The following NANOS3 variants were observed in gnomAD, a reference collection of about 807,000 sequenced individuals.
The protein encoded by NANOS3 is nanos C2HC-type zinc finger 3.
Under a neutral mutation model 13.8 loss-of-function variants are expected in NANOS3, and 11 were observed. That is an observed-to-expected ratio of 0.80 (90% CI 0.50 to 1.32). The LOEUF is 1.32. NANOS3 is among the 40% of genes most tolerant of loss of function. The pLI is 0.00. For missense variants in NANOS3, 221 were observed against 263.8 expected, an observed-to-expected ratio of 0.84 and a Z score of 1.12; for synonymous variants, 119 against 115.4, an observed-to-expected ratio of 1.03 and a Z score of -0.20.
At chr19:13,879,775 A>T (rs1436167381) in intron 1 of NANOS3, among the ~76,000 whole-genome samples, 1 of 150,404 alleles carries the variant, frequency 6.6e-6, no homozygotes, top group Non-Finnish European at 1.5e-5. Context: ...CTGTAATCCC[A>T]GTACTTGGGG....
chr19:13,863,572 G>A (rs1599295537), upstream of NANOS3, among the ~76,000 whole-genome samples: 1 of 151,846 alleles, frequency 6.6e-6, no homozygotes, highest in East Asian at 1.9e-4. Context: ...GGGCGGCACA[G>A]GAGGGCCATC....
In NANOS3 at chr19:13,880,392, G is replaced by A. The variant is rs1364835369; in HGVS notation, c.518-50G>A. ...CGAGTCCGTGGGCAACTTGGGGAGC[G>A]TTGAGTCATCGCCTGTGATTAAGCA... On this transcript the variant is annotated intron_variant, in intron 1 of 1. Coordinates refer to ENST00000339133, the MANE Select transcript of NANOS3 (RefSeq NM_001098622.3). 6.3e-6 allele frequency: 10 copies of A among 1,576,292 alleles called. No individual in the cohort carries two copies. In the South Asian group the frequency reaches 6.7e-5, roughly 11 times the overall value.
At chr19:13,878,385 C>G (rs1047620190) in intron 1 of NANOS3, among the ~76,000 whole-genome samples, 9 of 141,792 alleles carry the variant, frequency 6.3e-5, no homozygotes, top group African/African-American at 2.4e-4. Flanking sequence ...ATTACAGGCG[C>G]CTGCCACCAT....
chr19:13,866,744 A>G (rs917143824), intron 1 of NANOS3, among the ~76,000 whole-genome samples: 3 of 152,202 alleles, frequency 2.0e-5, no homozygotes, highest in Non-Finnish European at 4.4e-5. Flanking sequence ...AGATCCCTAA[A>G]GCCCATCAGT....
At chr19:13,874,770 G>A (rs1968474618), upstream of NANOS3, 2 of 534,224 alleles carry the variant, frequency 3.7e-6, no homozygotes, top group East Asian at 5.4e-5. Context: ...GCAAACCATC[G>A]ACCGTTGAGT....
chr19:13,875,058 C>T (rs780657759), upstream of NANOS3: 1 of 426,222 alleles, frequency 2.3e-6, no homozygotes, highest in Non-Finnish European at 4.9e-6. Flanking sequence ...CTGTTTTTTG[C>T]CCTGACCCCA....
At chr19:13,872,360 A>AGAG (rs1467068692), upstream of NANOS3, among the ~76,000 whole-genome samples, 475 of 141,122 alleles carry the variant, frequency 3.4e-3, 2 homozygotes, top group African/African-American at 0.012. Flanking sequence ...AAAAAAAAAA[A>AGAG]AGAGAGAGAG....
chr19:13,866,973 T>C (rs929088262), intron 1 of NANOS3, among the ~76,000 whole-genome samples: 3 of 152,168 alleles, frequency 2.0e-5, no homozygotes, highest in African/African-American at 7.2e-5. Context: ...TATTTACTTA[T>C]TTATTTTGAG....
chr19:13,867,230 C>T (rs937877648), intron 1 of NANOS3, among the ~76,000 whole-genome samples: 8 of 152,170 alleles, frequency 5.3e-5, no homozygotes, highest in South Asian at 4.2e-4. Context: ...TGTGAACCGC[C>T]GCACCCGGCC....
rs76006648 is a variant in NANOS3 at position 13,877,686 on chromosome 19, G to A, written c.438G>A (p.Ser146=). 1.2e-4 allele frequency: 189 copies of A among 1,611,310 alleles called. No homozygotes were observed. In the East Asian group the frequency reaches 2.0e-3, roughly 17 times the overall value. Residue 146 remains serine, a synonymous_variant, in exon 1 of 2, where the codon TCG becomes TCA. Transcript: ENST00000339133. The stretch of plus-strand genomic sequence containing the variant: ...TCTACAGCCACACCACCCGAAACTC[G>A]GCAGGCAAGAAGCTGGTCCGGCCTG... ...TSVYSHTTRN[S]AGKKLVRPDK... is the part of the protein sequence containing the mutation.
chr19:13,865,143 C>T (rs574847168), upstream of NANOS3, among the ~76,000 whole-genome samples: 4 of 151,636 alleles, frequency 2.6e-5, no homozygotes, highest in South Asian at 8.3e-4. Context: ...CGCGCACGGC[C>T]GCGGCTGGAC....
upstream of NANOS3, among the ~76,000 whole-genome samples, chr19:13,865,180 A>T (rs1358157578): frequency 2.1e-5 from 3 of 145,596 alleles, no homozygotes; most frequent in Non-Finnish European, 4.5e-5. Context: ...CGCGGGGAGG[A>T]GGGAGGGGGC....
intron 1 of NANOS3, among the ~76,000 whole-genome samples, chr19:13,867,979 G>A (rs1413029364): frequency 2.0e-5 from 3 of 151,894 alleles, no homozygotes; most frequent in East Asian, 1.9e-4. Flanking sequence ...ATAGACTCAC[G>A]GGGAAATGAC....
upstream of NANOS3, among the ~76,000 whole-genome samples, chr19:13,872,659 T>A (rs1036329806): frequency 1.3e-5 from 2 of 152,316 alleles, no homozygotes. Context: ...AGAATGATGA[T>A]CCACAAGGCA....
At chr19:13,878,062 C>G (rs1968555390) in intron 1 of NANOS3, among the ~76,000 whole-genome samples, 1 of 151,520 alleles carries the variant, frequency 6.6e-6, no homozygotes, top group African/African-American at 2.4e-5. Flanking sequence ...GCGCGCGCCA[C>G]CACACCCGGC....
chr19:13,873,533 A>T (rs1262664426), upstream of NANOS3, among the ~76,000 whole-genome samples: 3 of 152,028 alleles, frequency 2.0e-5, no homozygotes, highest in African/African-American at 7.3e-5. Flanking sequence ...CAGTGGCGCG[A>T]TCACGGCTCA....
At chr19:13,874,751 G>T (rs1235285522), upstream of NANOS3, 2 of 534,288 alleles carry the variant, frequency 3.7e-6, no homozygotes, top group African/African-American at 3.9e-5. Flanking sequence ...GTGAGTTTGG[G>T]CAGCTCAGGC....
chr19:13,880,107 C>T (rs1326010265), intron 1 of NANOS3, among the ~76,000 whole-genome samples: 2 of 152,218 alleles, frequency 1.3e-5, no homozygotes, highest in African/African-American at 2.4e-5. Flanking sequence ...CACTGGGAGA[C>T]GCTGGAGGCC....
At chr19:13,865,754 C>T (rs1461526744) in intron 1 of NANOS3, among the ~76,000 whole-genome samples, 4 of 150,662 alleles carry the variant, frequency 2.7e-5, no homozygotes, top group Non-Finnish European at 5.9e-5. Context: ...AGCGGAGATG[C>T]CCTCGCGGGG....
Sources: allele counts gnomAD v4.1 joint callset (sites outside exome capture counted in the v4.1 genomes callset), GRCh38; gene constraint gnomAD v4.1.1; transcripts MANE v1.5; gene names NCBI Gene and HGNC (gene_info 2026-07-23, HGNC 2026-07-21).